The following KCNJ6 variants were observed in gnomAD, a reference collection of about 807,000 sequenced individuals.
KCNJ6 encodes G protein-activated inward rectifier potassium channel 2.
Under a neutral mutation model 34.2 loss-of-function variants are expected in KCNJ6, and 9 were observed. That is an observed-to-expected ratio of 0.26 (90% CI 0.16 to 0.46). KCNJ6 has a LOEUF of 0.46. Among genes scored for constraint, KCNJ6 ranks in the 20% least tolerant of loss-of-function variants. The probability of loss-of-function intolerance (pLI) is 1.00; values close to 1 mark genes in which losing one functional copy is unlikely to be tolerated. For missense variants in KCNJ6, 236 were observed against 531.3 expected (o/e 0.44, Z 5.46); for synonymous variants, 196 against 207.1 (o/e 0.95, Z 0.46).
chr21:37,877,423 A>G (rs895462216), intron 1 of KCNJ6, among the ~76,000 whole-genome samples: 3 of 152,206 alleles, frequency 2.0e-5, no homozygotes, highest in Admixed American at 1.3e-4. Context: ...GGATGTGCAG[A>G]GGGAAAGAAT....
At chr21:37,712,645 T>C (rs1244189309) in intron 3 of KCNJ6, among the ~76,000 whole-genome samples, 8 of 41,690 alleles carry the variant, frequency 1.9e-4, no homozygotes, top group African/African-American at 9.3e-4. Flanking sequence ...CTCCTCCCCT[T>C]CTCCTCCTCT....
rs1268824640 is a variant in KCNJ6, at chr21:37,840,810, AGG to A, written c.-27-103_-27-102del. The A allele has an allele frequency of 1.2e-5, 8 of 643,562 alleles. No homozygotes were observed. In the African/African-American group the frequency reaches 1.3e-4, roughly 11 times the overall value. The allele number at this position is 643,562 out of a possible 1,614,324, so 39.9% of individuals were successfully genotyped here. A position where few individuals can be genotyped will look rare whatever the true frequency, so the allele number is the denominator to read the frequency against. On this transcript the variant is annotated intron_variant, in intron 1 of 3. Transcript: ENST00000609713. Reference sequence around the variant, plus strand: ...TATATCTCTCTTCCTTCTTTTTCCTAGGTCAGAATTTGGTTTCCAATAATTAA... The same window carrying A: ...TATATCTCTCTTCCTTCTTTTTCCTATCAGAATTTGGTTTCCAATAATTAA...
rs76199634 is a variant in KCNJ6 at position 37,884,420 on chromosome 21, C to T, written c.-28+31464G>A. ...CAGCTTCTCTCTGCATCTCAGCTTC[C>T]TGCCTCCTTTCTGTTTCCATCACAG... On this transcript the variant is annotated intron_variant, in intron 1 of 3. Transcript: ENST00000609713. Among the ~76,000 whole-genome samples, 752 of 152,274 alleles carry T rather than the reference C, an allele frequency of 4.9e-3. 30 individuals are homozygous for T. The South Asian group carries it at 0.076, about 15-fold the overall frequency.
At chr21:37,782,474 C>G (rs1281720926) in intron 2 of KCNJ6, among the ~76,000 whole-genome samples, 1 of 152,200 alleles carries the variant, frequency 6.6e-6, no homozygotes, top group Non-Finnish European at 1.5e-5. Context: ...CCCACTTGCT[C>G]CCTTAGGGCC....
At chr21:37,851,697 CA>C (rs1244583111) in intron 1 of KCNJ6, among the ~76,000 whole-genome samples, 1 of 151,866 alleles carries the variant, frequency 6.6e-6, no homozygotes, top group Non-Finnish European at 1.5e-5. Context: ...TCTCTATTTA[CA>C]GTTAATTTCT....
At position 37,879,169 on chromosome 21, in the gene KCNJ6, A is replaced by G. The variant is rs561266216; in HGVS notation, c.-28+36715T>C. Among the ~76,000 whole-genome samples the G allele has an allele frequency of 2.6e-5, 4 of 152,286 alleles. No homozygotes were observed. In the South Asian group the frequency reaches 8.3e-4, roughly 32 times the overall value. Reference sequence around the variant, plus strand: ...TACTGAGTAATGGGAGTGGTCATGCATGAGACATATTCCCTTCCCCCAAAT... The same window carrying G: ...TACTGAGTAATGGGAGTGGTCATGCGTGAGACATATTCCCTTCCCCCAAAT... On this transcript the variant is annotated intron_variant, in intron 1 of 3. Transcript: ENST00000609713.
intron 1 of KCNJ6, among the ~76,000 whole-genome samples, chr21:37,884,865 T>C (rs917783192): frequency 1.4e-4 from 22 of 152,178 alleles, no homozygotes; most frequent in Non-Finnish European, 2.6e-4. Flanking sequence ...ACAGTCAGAA[T>C]AAAATAATGG....
chr21:37,688,695 G>C (rs2054626335), intron 3 of KCNJ6, among the ~76,000 whole-genome samples: 1 of 152,202 alleles, frequency 6.6e-6, no homozygotes, highest in Non-Finnish European at 1.5e-5. Context: ...GGGTGGGGGA[G>C]AGGGGTGCAG....
intron 2 of KCNJ6, among the ~76,000 whole-genome samples, chr21:37,825,837 G>A (rs2123558560): frequency 6.6e-6 from 1 of 152,266 alleles, no homozygotes; most frequent in Non-Finnish European, 1.5e-5. Flanking sequence ...AGCAAAAGGG[G>A]AAACCCTTGA....
At chr21:37,740,448 A>C (rs2054935509) in intron 2 of KCNJ6, among the ~76,000 whole-genome samples, 1 of 152,182 alleles carries the variant, frequency 6.6e-6, no homozygotes, top group African/African-American at 2.4e-5. Flanking sequence ...AGATAAACTC[A>C]ACCCATTGTC....
At chr21:37,677,657 G>A (rs1430752774) in intron 3 of KCNJ6, among the ~76,000 whole-genome samples, 2 of 151,610 alleles carry the variant, frequency 1.3e-5, no homozygotes, top group East Asian at 1.9e-4. Context: ...TTTGACTATT[G>A]CATAAGCTCC....
chr21:37,635,934 A>G (rs860796), intron 3 of KCNJ6, among the ~76,000 whole-genome samples: 40,171 of 152,204 alleles, frequency 0.26, 5,478 homozygotes, highest in East Asian at 0.39. Flanking sequence ...AATTTTTTGT[A>G]TTACACTGCT....
At position 37,675,495 on chromosome 21, in the gene KCNJ6, G is replaced by A. The variant is rs1420747129; in HGVS notation, c.946+38716C>T. ...GGGATGAGCACCACTGTCATCGCGGGGACCCTCGGGCTGCGCCTCTGCCCC... is the reference window on the plus strand; with the variant it reads ...GGGATGAGCACCACTGTCATCGCGGAGACCCTCGGGCTGCGCCTCTGCCCC... On this transcript the variant is annotated intron_variant, in intron 3 of 3. Coordinates refer to ENST00000609713, the MANE Select transcript of KCNJ6 (RefSeq NM_002240.5). This position sits in a 1 kb window ranked among gnomAD's most constrained non-coding sequence, Gnocchi z 4.2. Among the ~76,000 whole-genome samples the A allele has an allele frequency of 6.6e-6, 1 of 152,252 alleles. No individual in the cohort carries two copies. The highest frequency in any genetic ancestry group is 1.5e-5 in the Non-Finnish European group (1 of 68,046).
At chr21:37,790,090 T>G (rs939215681) in intron 2 of KCNJ6, among the ~76,000 whole-genome samples, 7 of 152,210 alleles carry the variant, frequency 4.6e-5, no homozygotes, top group Non-Finnish European at 1.0e-4. Flanking sequence ...CTGTCTTTGA[T>G]GGGTCAGACT....
intron 1 of KCNJ6, among the ~76,000 whole-genome samples, chr21:37,879,642 AG>A (rs1159884978): frequency 2.0e-5 from 3 of 151,774 alleles, no homozygotes; most frequent in Non-Finnish European, 4.4e-5. Flanking sequence ...GTTTGTTTCT[AG>A]GGTTACAGAC....
intron 2 of KCNJ6, among the ~76,000 whole-genome samples, chr21:37,805,087 A>C (rs999725266): frequency 4.6e-5 from 7 of 152,188 alleles, no homozygotes; most frequent in African/African-American, 1.7e-4. Flanking sequence ...GAGACAGAAA[A>C]GAGATAAGGG....
chr21:37,839,034 A>G (rs1212878443), intron 2 of KCNJ6, among the ~76,000 whole-genome samples: 3 of 152,170 alleles, frequency 2.0e-5, no homozygotes, highest in Non-Finnish European at 2.9e-5. Context: ...CCTCCCCAGA[A>G]GCTGATTAGA....
At chr21:37,677,675 C>T (rs2054570786) in intron 3 of KCNJ6, among the ~76,000 whole-genome samples, 1 of 151,868 alleles carries the variant, frequency 6.6e-6, no homozygotes, top group Non-Finnish European at 1.5e-5. Context: ...TCCAAGAGAT[C>T]AGAAACTGTT....
At chr21:37,829,054 T>C (rs1403584263) in intron 2 of KCNJ6, among the ~76,000 whole-genome samples, 1 of 152,218 alleles carries the variant, frequency 6.6e-6, no homozygotes, top group East Asian at 1.9e-4. Flanking sequence ...TGGGGGAGAC[T>C]TCCTCTCCTA....
Sources: allele counts gnomAD v4.1 joint callset (sites outside exome capture counted in the v4.1 genomes callset), GRCh38; gene constraint gnomAD v4.1.1; non-coding constraint Gnocchi (gnomAD v3.1); transcripts MANE v1.5; gene names NCBI Gene and HGNC (gene_info 2026-07-23, HGNC 2026-07-21).